SFXN5: variants seen among roughly 807,000 people sequenced by gnomAD.
SFXN5 encodes sideroflexin-5.
Under a neutral mutation model 50.2 loss-of-function variants are expected in SFXN5, and 43 were observed. The ratio of observed to expected loss-of-function variants is 0.86; its 90% confidence interval spans 0.67 to 1.11. The LOEUF is 1.11. SFXN5 is among the 50% of genes least tolerant of loss of function. The pLI, the probability that SFXN5 is intolerant of heterozygous loss-of-function variation, is 0.00. For synonymous variants in SFXN5, 203 were observed against 185.8 expected, an observed-to-expected ratio of 1.09 and a Z score of -0.75; for missense variants, 463 against 454.1, an observed-to-expected ratio of 1.02 and a Z score of -0.18.
chr2:73,071,423 G>A, intron 1 of SFXN5, 181 bp downstream of exon 1: 1 of 593,732 alleles, frequency 1.7e-6, no homozygotes, highest in Non-Finnish European at 2.9e-6. Flanking sequence ...ATGGGAGTCC[G>A]CGCCCGCCCC....
intron 2 of SFXN5, among the ~76,000 whole-genome samples, chr2:73,053,915 T>C (rs1681730236): frequency 6.6e-6 from 1 of 152,180 alleles, no homozygotes; most frequent in Non-Finnish European, 1.5e-5. Flanking sequence ...AGGAAAACAG[T>C]ATTTATGAGC....
At chr2:72,946,008 C>T (rs1422299332) in intron 13 of SFXN5, among the ~76,000 whole-genome samples, 1 of 152,050 alleles carries the variant, frequency 6.6e-6, no homozygotes, top group Non-Finnish European at 1.5e-5. Context: ...AAACCCTCAG[C>T]TTCCCATCAT....
chr2:73,004,758 C>T (rs910798145), intron 6 of SFXN5, among the ~76,000 whole-genome samples: 1 of 152,192 alleles, frequency 6.6e-6, no homozygotes, highest in East Asian at 1.9e-4. Flanking sequence ...CCTCCAGGTC[C>T]TTACAGTCAG....
At chr2:73,030,181 C>G (rs1168182559) in intron 3 of SFXN5, among the ~76,000 whole-genome samples, 1 of 152,150 alleles carries the variant, frequency 6.6e-6, no homozygotes, top group African/African-American at 2.4e-5. Flanking sequence ...CCCAAGCAGT[C>G]TGGCTCCAGA....
intron 6 of SFXN5, among the ~76,000 whole-genome samples, chr2:73,009,320 A>G (rs1288882598): frequency 1.3e-5 from 2 of 152,240 alleles, no homozygotes; most frequent in Non-Finnish European, 2.9e-5. Flanking sequence ...TGCAGGAAGC[A>G]CTGGAGCAGC....
In SFXN5 at chr2:72,943,817, G is replaced by A. The variant is rs556932306; in HGVS notation, c.*1205C>T. The A allele has an allele frequency of 6.5e-6, 1 of 152,706 alleles. No homozygotes were observed. Among genetic ancestry groups the A allele is most frequent in the East Asian group, 1.9e-4 (1 of 5,184 alleles). The allele number at this position is 152,706 out of a possible 1,614,324, so 9.5% of individuals were successfully genotyped here. ...GACATGCCCAGGATGACCAGCATCT[G>A]AGCAGGACAAGCAAAGACGAGGTCT... is the stretch of plus-strand genomic sequence containing the variant. On this transcript the variant is annotated 3_prime_UTR_variant, in exon 14 of 14. Transcript: ENST00000272433.
intron 9 of SFXN5, among the ~76,000 whole-genome samples, chr2:72,990,097 C>T (rs1164129204): frequency 6.6e-6 from 1 of 152,242 alleles, no homozygotes; most frequent in East Asian, 1.9e-4. Flanking sequence ...CCAGCCCAGG[C>T]TGCGACTGTG....
At chr2:73,018,544 G>C (rs966763706) in intron 6 of SFXN5, among the ~76,000 whole-genome samples, 3 of 152,330 alleles carry the variant, frequency 2.0e-5, no homozygotes, top group South Asian at 2.1e-4. Flanking sequence ...AGGGAAACTC[G>C]AGAGGATGCC....
intron 1 of SFXN5, among the ~76,000 whole-genome samples, chr2:73,066,988 T>G (rs1231308715): frequency 6.6e-6 from 1 of 152,198 alleles, no homozygotes; most frequent in African/African-American, 2.4e-5. Flanking sequence ...AAGGCTGCAG[T>G]GAGCCATTAA....
chr2:72,979,094 A>G (rs1179617713), intron 10 of SFXN5, among the ~76,000 whole-genome samples: 1 of 152,250 alleles, frequency 6.6e-6, no homozygotes, highest in Admixed American at 6.5e-5. Flanking sequence ...TTTCAAAAGG[A>G]TATGTACAGT....
chr2:73,018,027 G>C (rs1317970341), intron 6 of SFXN5, among the ~76,000 whole-genome samples: 1 of 152,018 alleles, frequency 6.6e-6, no homozygotes, highest in Non-Finnish European at 1.5e-5. Context: ...AACATAATGA[G>C]ACTCTATCTC....
At chr2:72,993,432 C>T (rs1397847591) in intron 9 of SFXN5, among the ~76,000 whole-genome samples, 1 of 152,232 alleles carries the variant, frequency 6.6e-6, no homozygotes, top group Non-Finnish European at 1.5e-5. Flanking sequence ...GTTGCTCCAG[C>T]TGTGACCAAG....
At chr2:73,068,951 T>C (rs1217880555) in intron 1 of SFXN5, among the ~76,000 whole-genome samples, 1 of 146,908 alleles carries the variant, frequency 6.8e-6, no homozygotes, top group Non-Finnish European at 1.5e-5. Flanking sequence ...TCCAAGCAGA[T>C]GGCCCAGTGG....
intron 10 of SFXN5, among the ~76,000 whole-genome samples, chr2:72,977,974 G>GAAAA (rs56975766): frequency 2.4e-5 from 1 of 40,846 alleles, no homozygotes; most frequent in African/African-American, 9.0e-5. Flanking sequence ...CTCTGCCTCA[G>GAAAA]AAAAAAAAAA....
chr2:72,965,402 C>A (rs751815961), intron 12 of SFXN5, among the ~76,000 whole-genome samples: 1 of 152,148 alleles, frequency 6.6e-6, no homozygotes, highest in African/African-American at 2.4e-5. Context: ...ACGTGTGATC[C>A]GATTCTTCCA....
At chr2:73,026,583 C>T (rs1242351276) in intron 3 of SFXN5, among the ~76,000 whole-genome samples, 1 of 152,154 alleles carries the variant, frequency 6.6e-6, no homozygotes, top group Non-Finnish European at 1.5e-5. Flanking sequence ...CAATGCATTA[C>T]TCACATTTGT....
At chr2:73,045,284 T>C (rs980400727) in intron 2 of SFXN5, among the ~76,000 whole-genome samples, 1 of 152,118 alleles carries the variant, frequency 6.6e-6, no homozygotes, top group Non-Finnish European at 1.5e-5. Context: ...AAGAACCTGC[T>C]GTACTCACGC....
intron 13 of SFXN5, among the ~76,000 whole-genome samples, chr2:72,954,652 C>T (rs1358875219): frequency 6.6e-6 from 1 of 152,198 alleles, no homozygotes; most frequent in Non-Finnish European, 1.5e-5. Flanking sequence ...CCCCAGCCCC[C>T]ACAGCTGCAG....
chr2:73,003,434 C>T (rs940395625), intron 6 of SFXN5, among the ~76,000 whole-genome samples: 33 of 152,182 alleles, frequency 2.2e-4, no homozygotes, highest in Non-Finnish European at 1.5e-5. Context: ...GGACACTGCC[C>T]GTGACACCAC....
Sources: gnomAD v4.1 joint callset for allele counts (sites outside exome capture counted in the v4.1 genomes callset) on GRCh38, gnomAD v4.1.1 for gene constraint, MANE v1.5 for transcripts, NCBI Gene and HGNC (gene_info 2026-07-23, HGNC 2026-07-21) for gene names.